Variants in MARCHF1 observed in about 807,000 individuals in gnomAD.
The protein encoded by MARCHF1 is E3 ubiquitin-protein ligase MARCHF1.
A neutral mutation model predicts 54.2 loss-of-function variants in MARCHF1; 40 were observed. The ratio of observed to expected loss-of-function variants is 0.74; its 90% CI spans 0.57 to 0.96. The LOEUF (loss-of-function observed/expected upper bound fraction) is 0.96, where lower values mean the gene tolerates loss of function less well. MARCHF1 is among the 40% of genes least tolerant of loss of function. MARCHF1 has a pLI of 0.00. For synonymous variants in MARCHF1, 236 were observed against 236.3 expected (o/e 1.00, Z 0.01); for missense variants, 586 against 656.5 (o/e 0.89, Z 1.17).
intron 2 of MARCHF1, among the ~76,000 whole-genome samples, chr4:164,093,747 TC>T (rs1468846379): frequency 6.6e-6 from 1 of 152,052 alleles, no homozygotes; most frequent in Non-Finnish European, 1.5e-5. Flanking sequence ...AGAAATAAAC[TC>T]CTGGGCATCT....
intron 2 of MARCHF1, among the ~76,000 whole-genome samples, chr4:164,097,274 A>T (rs1035136559): frequency 2.0e-5 from 3 of 152,124 alleles, no homozygotes; most frequent in Admixed American, 1.3e-4. Context: ...GGATTTACAG[A>T]TCCTATCTAT....
At chr4:163,918,456 A>C (rs1751357434) in intron 3 of MARCHF1, among the ~76,000 whole-genome samples, 1 of 152,104 alleles carries the variant, frequency 6.6e-6, no homozygotes. Flanking sequence ...TTTCCATTGG[A>C]TTAAAAGGTA....
intron 1 of MARCHF1, among the ~76,000 whole-genome samples, chr4:164,207,817 G>A (rs190879317): frequency 4.6e-5 from 7 of 152,256 alleles, no homozygotes; most frequent in African/African-American, 1.4e-4. Context: ...GGGGCCTTTC[G>A]GAGGGTGGAG....
intron 3 of MARCHF1, among the ~76,000 whole-genome samples, chr4:163,908,279 A>T (rs1009491284): frequency 1.3e-5 from 2 of 152,148 alleles, no homozygotes; most frequent in African/African-American, 4.8e-5. Flanking sequence ...CAACAATATT[A>T]ATCATGTACC....
chr4:164,242,280 T>C (rs1423161230), intron 1 of MARCHF1, among the ~76,000 whole-genome samples: 1 of 144,372 alleles, frequency 6.9e-6, no homozygotes, highest in Non-Finnish European at 1.5e-5. Context: ...GCTGGAGATC[T>C]GAGAACGGGC....
At chr4:163,857,004 C>T (rs1320128720) in intron 3 of MARCHF1, among the ~76,000 whole-genome samples, 1 of 143,478 alleles carries the variant, frequency 7.0e-6, no homozygotes, top group African/African-American at 2.6e-5. Flanking sequence ...TAGAACAGGA[C>T]TTTGTCTCGA....
At position 164,152,601 on chromosome 4, in the gene MARCHF1, T is replaced by C. The variant is rs548143155; in HGVS notation, c.-322-40939A>G. On this transcript the variant is annotated intron_variant, in intron 1 of 9. Transcript: ENST00000514618. ...TCTTGGGGGAAAAGTCCATATTCTA[T>C]AGAGAATCCCCTTCCCCCTTTGTTT... Among the ~76,000 whole-genome samples, 3 of 152,316 alleles carry C rather than the reference T, an allele frequency of 2.0e-5. No homozygotes were observed. The East Asian group carries it at 5.8e-4, about 29-fold the overall frequency.
chr4:164,011,268 G>A (rs1004220695), intron 2 of MARCHF1, among the ~76,000 whole-genome samples: 5 of 152,152 alleles, frequency 3.3e-5, no homozygotes, highest in African/African-American at 1.2e-4. Flanking sequence ...ATTGACAAAT[G>A]AGATCATATC....
chr4:163,575,550 G>A (rs1740007832), intron 8 of MARCHF1, among the ~76,000 whole-genome samples: 1 of 152,048 alleles, frequency 6.6e-6, no homozygotes, highest in Non-Finnish European at 1.5e-5. Flanking sequence ...TGTTATCAGA[G>A]TGATGCTGGC....
intron 3 of MARCHF1, among the ~76,000 whole-genome samples, chr4:163,910,832 C>T (rs1751173979): frequency 6.6e-6 from 1 of 152,156 alleles, no homozygotes; most frequent in African/African-American, 2.4e-5. Flanking sequence ...GGTGAAAAGT[C>T]TCTCCTACAA....
rs140295222 is a variant in MARCHF1, at chr4:163,670,777, G to A, written c.162+30036C>T. Reference sequence around the variant, plus strand: ...CTGTCATACAAAGATTTTAGGAGCCGGGAATACAATACTTATCGAGAAACA... The same window carrying A: ...CTGTCATACAAAGATTTTAGGAGCCAGGAATACAATACTTATCGAGAAACA... On this transcript the variant is annotated intron_variant, in intron 5 of 9. Coordinates refer to ENST00000514618, the MANE Select transcript of MARCHF1 (RefSeq NM_001394959.1). 7.6e-4 allele frequency among the ~76,000 whole-genome samples: 115 copies of A among 152,248 alleles called. 3 individuals carry two copies. The highest frequency in any genetic ancestry group is 2.6e-3 in the African/African-American group (108 of 41,548).
At chr4:164,217,037 G>GA (rs1024375748) in intron 1 of MARCHF1, among the ~76,000 whole-genome samples, 2 of 129,934 alleles carry the variant, frequency 1.5e-5, no homozygotes, top group Admixed American at 8.5e-5. Flanking sequence ...GAACTATTAG[G>GA]AAAAAAAATT....
At chr4:163,917,039 C>G (rs1342855618) in intron 3 of MARCHF1, among the ~76,000 whole-genome samples, 3 of 152,122 alleles carry the variant, frequency 2.0e-5, no homozygotes, top group Admixed American at 1.3e-4. Flanking sequence ...AACCACTGAT[C>G]CTTTTGCTAT....
intron 5 of MARCHF1, among the ~76,000 whole-genome samples, chr4:163,697,473 G>A (rs566598726): frequency 2.6e-5 from 4 of 152,292 alleles, no homozygotes; most frequent in African/African-American, 4.8e-5. Context: ...AAGGAATGGG[G>A]AAGGAAAGTT....
At chr4:163,580,759 A>G (rs2110801903) in intron 8 of MARCHF1, among the ~76,000 whole-genome samples, 1 of 152,342 alleles carries the variant, frequency 6.6e-6, no homozygotes, top group South Asian at 2.1e-4. Context: ...GACTTGTTTT[A>G]AAAGATTTCC....
intron 8 of MARCHF1, among the ~76,000 whole-genome samples, chr4:163,567,391 A>C (rs1344565918): frequency 6.6e-6 from 1 of 152,182 alleles, no homozygotes; most frequent in Non-Finnish European, 1.5e-5. Flanking sequence ...GGCTGTGTTC[A>C]CTGGGAACAT....
chr4:163,612,517 T>C lies in MARCHF1; in HGVS notation c.764A>G (p.Lys255Arg). The C allele has an allele frequency of 6.5e-7, 1 of 1,535,344 alleles. No individual in the cohort carries two copies. The highest frequency in any genetic ancestry group is 2.4e-5 in the East Asian group (1 of 40,892). Residue 255 changes from lysine (K) to arginine (R), a missense_variant, in exon 7 of 10, where the codon AAG becomes AGG. Around this residue, in one of 3 missense-constraint regions of MARCHF1, gnomAD observed 387 missense variants for 394.6 expected, o/e 0.98. Coordinates refer to ENST00000514618, the MANE Select transcript of MARCHF1 (RefSeq NM_001394959.1). ...PSLTQGSSEI[K>R]RSSRNHEKSK... ...CTTCTCATGATTCCTTGAGGATCTC[T>C]TAATTTCAGAGGACCCTTGAGTCAG... is the stretch of plus-strand genomic sequence containing the variant.
intron 2 of MARCHF1, among the ~76,000 whole-genome samples, chr4:164,087,666 T>C (rs951522841): frequency 1.3e-5 from 2 of 152,154 alleles, no homozygotes. Context: ...TCATCCCAGG[T>C]TCCCAGCTAA....
intron 4 of MARCHF1, among the ~76,000 whole-genome samples, chr4:163,809,091 C>T (rs1223390135): frequency 1.3e-5 from 2 of 152,060 alleles, no homozygotes; most frequent in South Asian, 2.1e-4. Flanking sequence ...TTCATTCCAC[C>T]TTTCCACTCT....
Sources: gnomAD v4.1 joint callset for allele counts (sites outside exome capture counted in the v4.1 genomes callset) on GRCh38, gnomAD v4.1.1 for gene constraint, gnomAD v4.1.1 regional missense constraint, MANE v1.5 for transcripts, NCBI Gene and HGNC (gene_info 2026-07-23, HGNC 2026-07-21) for gene names.